PHF14: variants seen among roughly 807,000 people sequenced by gnomAD.
PHF14 encodes PHD finger protein 14.
A neutral mutation model predicts 117.9 loss-of-function variants in PHF14; 55 were observed. The observed-to-expected ratio is 0.47, with a 90% confidence interval of 0.38 to 0.58. PHF14 has a LOEUF of 0.58. Among genes scored for constraint, PHF14 ranks in the 20% least tolerant of loss-of-function variants. The probability of loss-of-function intolerance (pLI) is 0.00; values close to 1 mark genes in which losing one functional copy is unlikely to be tolerated. For synonymous variants in PHF14, 409 were observed against 368.6 expected, an observed-to-expected ratio of 1.11 and a Z score of -1.26; for missense variants, 978 against 1,122.2, an observed-to-expected ratio of 0.87 and a Z score of 1.84.
At chr7:11,018,530 A>G (rs1407068668) in intron 5 of PHF14, among the ~76,000 whole-genome samples, 1 of 152,022 alleles carries the variant, frequency 6.6e-6, no homozygotes, top group Non-Finnish European at 1.5e-5. Flanking sequence ...TACTTTTAAA[A>G]TTTCTTTTTC....
chr7:11,042,820 TA>T lies in PHF14; in HGVS notation c.2312+10del. On this transcript the variant is annotated splice_region_variant and intron_variant, in intron 13 of 17. Coordinates refer to ENST00000634607, the MANE Select transcript of PHF14 (RefSeq NM_001007157.2). Reference sequence around the variant, plus strand: ...AAGACCAAAAACAGTTATTGGTGAGTAAAATAGAGGAGATTTAGATGTTTGA... The same window carrying T: ...AAGACCAAAAACAGTTATTGGTGAGTAAATAGAGGAGATTTAGATGTTTGA... The T allele has an allele frequency of 6.4e-7, 1 of 1,554,246 alleles. No homozygotes were observed. The highest frequency in any genetic ancestry group is 8.8e-7 in the Non-Finnish European group (1 of 1,141,818).
chr7:11,074,706 T>G (rs1367566100), intron 16 of PHF14, among the ~76,000 whole-genome samples: 1 of 152,228 alleles, frequency 6.6e-6, no homozygotes, highest in African/African-American at 2.4e-5. Flanking sequence ...TGCTAGGGCA[T>G]AATATGGGTG....
chr7:11,069,845 A>ATTAT (rs1785552227), intron 16 of PHF14, among the ~76,000 whole-genome samples: 1 of 146,560 alleles, frequency 6.8e-6, no homozygotes, highest in Non-Finnish European at 1.5e-5. Flanking sequence ...CAGCTGTTCT[A>ATTAT]TTATTTATTT....
chr7:11,024,540 G>A (rs935124895), intron 6 of PHF14, among the ~76,000 whole-genome samples: 24 of 152,154 alleles, frequency 1.6e-4, no homozygotes, highest in African/African-American at 5.3e-4. Context: ...AATGCGGCTG[G>A]TGACTTTAAG....
intron 17 of PHF14, among the ~76,000 whole-genome samples, chr7:11,123,928 A>C (rs903555364): frequency 2.0e-4 from 30 of 152,246 alleles, no homozygotes; most frequent in African/African-American, 6.7e-4. Flanking sequence ...AAAAAAAAAA[A>C]AACTAGAAAG....
At chr7:11,133,260 G>A (rs941144405) in intron 17 of PHF14, among the ~76,000 whole-genome samples, 4 of 151,664 alleles carry the variant, frequency 2.6e-5, no homozygotes, top group Admixed American at 6.6e-5. Context: ...AATATTAAAG[G>A]AGAACAAAGT....
intron 16 of PHF14, among the ~76,000 whole-genome samples, chr7:11,091,232 G>A (rs1786630290): frequency 6.6e-6 from 1 of 152,130 alleles, no homozygotes; most frequent in South Asian, 2.1e-4. Flanking sequence ...TAGGGTTGTA[G>A]CAGATAATTA....
chr7:10,978,845 A>G (rs1160290052), intron 2 of PHF14, among the ~76,000 whole-genome samples: 2 of 152,184 alleles, frequency 1.3e-5, no homozygotes, highest in Non-Finnish European at 2.9e-5. Context: ...CCACTGGCTC[A>G]TACAAACCAA....
chr7:11,054,741 T>TA (rs1784959567), intron 14 of PHF14, among the ~76,000 whole-genome samples: 1 of 152,168 alleles, frequency 6.6e-6, no homozygotes. Context: ...CTCCCATTGT[T>TA]ACATTTTTAA....
chr7:11,074,595 T>G (rs559477735), intron 16 of PHF14, among the ~76,000 whole-genome samples: 5 of 152,314 alleles, frequency 3.3e-5, no homozygotes, highest in Non-Finnish European at 5.9e-5. Context: ...CTTAACTGCT[T>G]CACTGCTTAG....
intron 3 of PHF14, among the ~76,000 whole-genome samples, chr7:10,983,752 A>G (rs1341941737): frequency 1.3e-5 from 2 of 152,210 alleles, no homozygotes; most frequent in Non-Finnish European, 2.9e-5. Context: ...TTTAGTAAAT[A>G]AATTCTCTCT....
At position 10,974,292 on chromosome 7, in the gene PHF14, T is replaced by A; in HGVS notation, c.-32T>A. 6.3e-7 allele frequency: 1 copy of A among 1,582,434 alleles called. No homozygotes were observed. The highest frequency in any genetic ancestry group is 8.6e-7 in the Non-Finnish European group (1 of 1,162,972). Reference sequence around the variant, plus strand: ...TGGGCTCCTGCAGCCTCTCCCTAAGTCTTCTCCAAACGACCACCTCACGGA... The same window carrying A: ...TGGGCTCCTGCAGCCTCTCCCTAAGACTTCTCCAAACGACCACCTCACGGA... On this transcript the variant is annotated 5_prime_UTR_variant, in exon 1 of 18. Coordinates refer to ENST00000634607, the MANE Select transcript of PHF14 (RefSeq NM_001007157.2).
intron 5 of PHF14, among the ~76,000 whole-genome samples, chr7:11,019,062 C>G (rs1783633385): frequency 6.6e-6 from 1 of 152,132 alleles, no homozygotes; most frequent in Non-Finnish European, 1.5e-5. Flanking sequence ...TTATGTTGAA[C>G]CATGCTTGCA....
At chr7:11,072,185 C>T (rs148556728) in intron 16 of PHF14, among the ~76,000 whole-genome samples, 100 of 152,162 alleles carry the variant, frequency 6.6e-4, no homozygotes, top group African/African-American at 2.2e-3. Flanking sequence ...CTAATCATGG[C>T]AGAAAGCAAA....
chr7:11,073,478 G>C (rs1388640568), intron 16 of PHF14, among the ~76,000 whole-genome samples: 1 of 152,228 alleles, frequency 6.6e-6, no homozygotes, highest in African/African-American at 2.4e-5. Flanking sequence ...GGCTCCAAAT[G>C]CTTTGGGCAG....
chr7:11,159,431 T>G (rs996998871), intron 17 of PHF14, among the ~76,000 whole-genome samples: 2 of 152,096 alleles, frequency 1.3e-5, no homozygotes, highest in African/African-American at 4.8e-5. Flanking sequence ...TATTGTGATG[T>G]CAATTAAATG....
intron 16 of PHF14, among the ~76,000 whole-genome samples, chr7:11,081,546 T>G (rs960786619): frequency 6.6e-6 from 1 of 152,344 alleles, no homozygotes. Flanking sequence ...CATTTAAGTT[T>G]AAGTTAGAAT....
rs73679301 is a variant in PHF14, at chr7:11,103,552, G to A, written c.2655-7798G>A. ...ATATTTCATCACTCAATCTTGAACT[G>A]ATTTAGAAGAGACTCTTTGCTGAAA... is the stretch of plus-strand genomic sequence containing the variant. On this transcript the variant is annotated intron_variant, in intron 16 of 17. Coordinates refer to ENST00000634607, the MANE Select transcript of PHF14 (RefSeq NM_001007157.2). 1.5e-3 allele frequency: 1,437 copies of A among 985,010 alleles called. 28 individuals carry two copies. In the African/African-American group the frequency reaches 0.023, roughly 16 times the overall value. The allele number at this position is 985,010 out of a possible 1,614,324, so 61.0% of individuals were successfully genotyped here. A position where few individuals can be genotyped will look rare whatever the true frequency, so the allele number is the denominator to read the frequency against.
At position 10,982,413 on chromosome 7, in the gene PHF14, G is replaced by T; in HGVS notation, c.154G>T (p.Asp52Tyr). The part of the protein sequence containing the change: ...SGNGSEDASK[D>Y]SGEGSCSDSE... ...TAATGGAAGTGAAGATGCTTCAAAG[G>T]ACAGTGGAGAAGGTTCCTGTAGTGA... The change falls in exon 3 of 18, where the codon GAC becomes TAC. Residue 52 changes from aspartate (D) to tyrosine (Y), a missense_variant. By Grantham distance (160) the Asp-to-Tyr change is radical (BLOSUM62 -3). Coordinates refer to ENST00000634607, the MANE Select transcript of PHF14 (RefSeq NM_001007157.2). 1 of 1,581,108 alleles carries T rather than the reference G, an allele frequency of 6.3e-7. No homozygotes were observed. The highest frequency in any genetic ancestry group is 8.6e-7 in the Non-Finnish European group (1 of 1,169,326).
Sources: gnomAD v4.1 joint callset for allele counts (sites outside exome capture counted in the v4.1 genomes callset) on GRCh38, gnomAD v4.1.1 for gene constraint, MANE v1.5 for transcripts, NCBI Gene and HGNC (gene_info 2026-07-23, HGNC 2026-07-21) for gene names.